ATF7IP2: variants seen among roughly 807,000 people sequenced by gnomAD.
ATF7IP2 encodes activating transcription factor 7-interacting protein 2.
In ATF7IP2, 42 loss-of-function variants were observed where a neutral mutation model predicts 64.2. The observed-to-expected ratio is 0.65, with a 90% confidence interval of 0.51 to 0.85. The LOEUF is 0.85. ATF7IP2 is among the 40% of genes least tolerant of loss of function. The pLI, the probability that ATF7IP2 is intolerant of heterozygous loss-of-function variation, is 0.00. For missense variants in ATF7IP2, 933 were observed against 784.2 expected (o/e 1.19, Z -2.27); for synonymous variants, 308 against 272.8 (o/e 1.13, Z -1.27).
chr16:10,474,108 C>G, intron 12 of ATF7IP2, 119 bp downstream of exon 12: 8 of 659,550 alleles, frequency 1.2e-5, no homozygotes, highest in Non-Finnish European at 2.1e-5. Flanking sequence ...GTTTATATCT[C>G]TGTGCAGTTT....
intron 9 of ATF7IP2, among the ~76,000 whole-genome samples, chr16:10,469,894 A>T (rs1268663397): frequency 9.9e-5 from 2 of 20,218 alleles, no homozygotes; most frequent in South Asian, 1.7e-3. Context: ...TGAAAGTTTA[A>T]AAAAAAAAAA....
At chr16:10,446,921 G>A (rs1271298505) in intron 8 of ATF7IP2, 1 of 151,786 alleles carries the variant, frequency 6.6e-6, no homozygotes, top group Non-Finnish European at 1.5e-5. Flanking sequence ...CTTTCCTATA[G>A]CCTCAACCCG....
intron 9 of ATF7IP2, among the ~76,000 whole-genome samples, chr16:10,466,256 A>G (rs111887393): frequency 2.3e-3 from 358 of 152,348 alleles, no homozygotes; most frequent in African/African-American, 8.2e-3. Flanking sequence ...ATGTGCTACA[A>G]TTAATCTGTT....
intron 8 of ATF7IP2, among the ~76,000 whole-genome samples, chr16:10,441,548 T>G (rs1435994229): frequency 4.6e-5 from 7 of 152,366 alleles, no homozygotes; most frequent in Admixed American, 6.5e-5. Context: ...CATAAATGTC[T>G]TCTTTGGAGA....
At position 10,457,465 on chromosome 16, in the gene ATF7IP2, C is replaced by T. The variant is rs752146936; in HGVS notation, c.1288C>T (p.Pro430Ser). The change falls in exon 9 of 14, where the codon CCT (proline) becomes TCT (serine). Residue 430 changes from proline to serine, a missense_variant. Physicochemically the swap from Pro to Ser is moderately conservative, Grantham distance 74. Transcript: ENST00000562102. ...TTCTGTGAATTATGAGCCTTCTAAC[C>T]CTTCCGAAAAAGGAAGTAAAAAAAT... ...KSSVNYEPSNPSEKGSKKINL... is the reference protein window; with the variant it reads ...KSSVNYEPSNSSEKGSKKINL... The T allele has an allele frequency of 6.3e-7, 1 of 1,598,892 alleles. No individual in the cohort carries two copies.
intron 7 of ATF7IP2, 132 bp downstream of exon 7, chr16:10,438,367 C>CAGCTACTCTGGAGA: frequency 5.5e-6 from 5 of 912,462 alleles, no homozygotes; most frequent in Non-Finnish European, 7.7e-6. Context: ...ACCTCAGTCT[C>CAGCTACTCTGGAGA]CAGAGTAGCT....
intron 1 of ATF7IP2, among the ~76,000 whole-genome samples, chr16:10,406,273 A>T (rs187664583): frequency 2.2e-3 from 342 of 152,010 alleles, no homozygotes; most frequent in African/African-American, 7.6e-3. Context: ...CCCTTAACTA[A>T]TTTTTTATAT....
At chr16:10,481,291 C>G (rs1035764522) in intron 13 of ATF7IP2, among the ~76,000 whole-genome samples, 1 of 152,158 alleles carries the variant, frequency 6.6e-6, no homozygotes, top group Non-Finnish European at 1.5e-5. Context: ...AGTGCGGTGG[C>G]ATGATCTCGG....
At chr16:10,460,303 A>ACC (rs2049331820) in intron 9 of ATF7IP2, among the ~76,000 whole-genome samples, 1 of 152,198 alleles carries the variant, frequency 6.6e-6, no homozygotes, top group East Asian at 1.9e-4. Flanking sequence ...TGGTGTGGAC[A>ACC]AAGGAGTATT....
chr16:10,403,128 G>A (rs547298553), intron 1 of ATF7IP2, among the ~76,000 whole-genome samples: 18 of 152,286 alleles, frequency 1.2e-4, no homozygotes, highest in African/African-American at 3.4e-4. Flanking sequence ...ATGGATGTCA[G>A]ATATAAATCC....
chr16:10,444,732 G>A (rs543937710), intron 8 of ATF7IP2, among the ~76,000 whole-genome samples: 2 of 152,146 alleles, frequency 1.3e-5, no homozygotes, highest in Non-Finnish European at 2.9e-5. Flanking sequence ...TGATGAAGGT[G>A]GATGCCATGG....
intron 8 of ATF7IP2, chr16:10,454,342 G>T (rs151223446): frequency 6.9e-6 from 1 of 145,230 alleles, no homozygotes; most frequent in Non-Finnish European, 1.5e-5. Context: ...CCTGGGAGGC[G>T]GAGGTTGCAG....
intron 1 of ATF7IP2, among the ~76,000 whole-genome samples, chr16:10,392,822 TTAAAAA>T (rs2047353106): frequency 6.8e-6 from 1 of 147,080 alleles, no homozygotes; most frequent in Non-Finnish European, 1.5e-5. Flanking sequence ...GACTCTGTCT[TTAAAAA>T]AAAAAAAAAA....
intron 8 of ATF7IP2, among the ~76,000 whole-genome samples, chr16:10,443,389 G>A (rs2048695091): frequency 6.6e-6 from 1 of 152,078 alleles, no homozygotes; most frequent in Admixed American, 6.5e-5. Context: ...ATTACCCCAG[G>A]CTGTGGGGTG....
At chr16:10,401,699 G>C (rs551708450) in intron 1 of ATF7IP2, among the ~76,000 whole-genome samples, 2 of 149,322 alleles carry the variant, frequency 1.3e-5, no homozygotes, top group South Asian at 4.2e-4. Context: ...GTTCAGCTTT[G>C]TATGGTAGAA....
intron 1 of ATF7IP2, among the ~76,000 whole-genome samples, chr16:10,388,732 C>G (rs903540539): frequency 6.6e-6 from 1 of 152,068 alleles, no homozygotes; most frequent in Non-Finnish European, 1.5e-5. Context: ...ATTTGTAGGC[C>G]GGGCGCGGTG....
chr16:10,407,491 C>A (rs1297935466), intron 1 of ATF7IP2, among the ~76,000 whole-genome samples: 1 of 152,140 alleles, frequency 6.6e-6, no homozygotes, highest in Admixed American at 6.6e-5. Context: ...CTAAACAATA[C>A]ACCAAAACTA....
intron 12 of ATF7IP2, among the ~76,000 whole-genome samples, chr16:10,477,860 C>G (rs1283818652): frequency 1.3e-5 from 2 of 150,908 alleles, no homozygotes; most frequent in African/African-American, 2.4e-5. Flanking sequence ...ACACCAATAA[C>G]AGACAAACAG....
chr16:10,434,868 G>T (rs1297569912), intron 6 of ATF7IP2, among the ~76,000 whole-genome samples: 1 of 152,162 alleles, frequency 6.6e-6, no homozygotes, highest in African/African-American at 2.4e-5. Flanking sequence ...CACAGTCTCG[G>T]CTCAGTGCTA....
Sources: gnomAD v4.1 joint callset for allele counts (sites outside exome capture counted in the v4.1 genomes callset) on GRCh38, gnomAD v4.1.1 for gene constraint, MANE v1.5 for transcripts, NCBI Gene and HGNC (gene_info 2026-07-23, HGNC 2026-07-21) for gene names.